TMEM117: variants seen among roughly 807,000 people sequenced by gnomAD.
TMEM117 encodes the protein transmembrane protein 117.
TMEM117 carries 27 observed loss-of-function variants against 52.4 expected under a neutral mutation model. The ratio of observed to expected loss-of-function variants is 0.51; its 90% confidence interval spans 0.38 to 0.71. The LOEUF (loss-of-function observed/expected upper bound fraction) is 0.71, where lower values mean the gene tolerates loss of function less well. TMEM117 is among the 30% of genes least tolerant of loss of function. TMEM117 has a pLI of 0.00. For synonymous variants in TMEM117, 215 were observed against 206.3 expected (o/e 1.04, Z -0.36); for missense variants, 556 against 630.5 (o/e 0.88, Z 1.26).
chr12:44,102,133 C>T (rs1341366711), intron 3 of TMEM117, among the ~76,000 whole-genome samples: 1 of 151,776 alleles, frequency 6.6e-6, no homozygotes, highest in Non-Finnish European at 1.5e-5. Context: ...AGAAGAAAAG[C>T]CTGAAGGGAG....
At chr12:44,073,236 C>T (rs1262164868) in intron 3 of TMEM117, among the ~76,000 whole-genome samples, 2 of 152,088 alleles carry the variant, frequency 1.3e-5, no homozygotes, top group African/African-American at 4.8e-5. Flanking sequence ...TGCCTAATGC[C>T]CAGATAACTC....
chr12:44,231,345 A>G (rs1949930614), intron 5 of TMEM117, among the ~76,000 whole-genome samples: 2 of 151,570 alleles, frequency 1.3e-5, no homozygotes, highest in South Asian at 2.1e-4. Flanking sequence ...ATTGTATTAC[A>G]TTGTATGAAC....
intron 2 of TMEM117, among the ~76,000 whole-genome samples, chr12:43,907,691 TGAAGAATGCA>T (rs900271219): frequency 5.2e-4 from 79 of 151,582 alleles, no homozygotes; most frequent in African/African-American, 1.9e-3. Flanking sequence ...GAGAACTACA[TGAAGAATGCA>T]GAAGCCTCTG....
chr12:43,933,682 C>T (rs1944907797), intron 2 of TMEM117, among the ~76,000 whole-genome samples: 1 of 152,018 alleles, frequency 6.6e-6, no homozygotes. Context: ...TCTGCCTCAG[C>T]CTCCCGAGTA....
intron 2 of TMEM117, among the ~76,000 whole-genome samples, chr12:43,865,845 A>G (rs959715327): frequency 3.3e-5 from 5 of 152,058 alleles, no homozygotes; most frequent in African/African-American, 1.2e-4. Context: ...CCAATTTGAA[A>G]TGATTAGCCA....
At chr12:43,887,944 T>C (rs1944027327) in intron 2 of TMEM117, among the ~76,000 whole-genome samples, 1 of 152,198 alleles carries the variant, frequency 6.6e-6, no homozygotes, top group Non-Finnish European at 1.5e-5. Flanking sequence ...CTTCTTTCTG[T>C]GCTATGCTGT....
chr12:43,895,023 A>G (rs999828373), intron 2 of TMEM117, among the ~76,000 whole-genome samples: 151 of 152,186 alleles, frequency 9.9e-4, no homozygotes, highest in African/African-American at 3.4e-3. Flanking sequence ...GTTCAGGGCT[A>G]TAAGTGGAGA....
intron 3 of TMEM117, among the ~76,000 whole-genome samples, chr12:44,131,371 T>A (rs1948410906): frequency 6.6e-6 from 1 of 152,150 alleles, no homozygotes; most frequent in African/African-American, 2.4e-5. Flanking sequence ...AATTTAGTCA[T>A]TTTAATTTTT....
intron 4 of TMEM117, among the ~76,000 whole-genome samples, chr12:44,167,319 C>A (rs1032934937): frequency 3.9e-5 from 6 of 152,136 alleles, no homozygotes; most frequent in African/African-American, 1.4e-4. Context: ...TTCCAGTGCC[C>A]ACTGCACTCC....
intron 2 of TMEM117, among the ~76,000 whole-genome samples, chr12:43,850,748 G>C (rs1387580926): frequency 6.6e-6 from 1 of 152,112 alleles, no homozygotes; most frequent in Non-Finnish European, 1.5e-5. Context: ...TGTTCTTATT[G>C]GCTTGGTATA....
intron 3 of TMEM117, among the ~76,000 whole-genome samples, chr12:43,986,629 A>G (rs1044515129): frequency 2.6e-5 from 4 of 152,152 alleles, no homozygotes; most frequent in Non-Finnish European, 5.9e-5. Context: ...AATATCTTTC[A>G]GACTATTGGA....
At chr12:43,984,481 T>G (rs906858400) in intron 3 of TMEM117, among the ~76,000 whole-genome samples, 1 of 152,152 alleles carries the variant, frequency 6.6e-6, no homozygotes, top group African/African-American at 2.4e-5. Context: ...TGAGATAGTG[T>G]TTTCATCAGA....
At chr12:44,243,689 A>G (rs535057498) in intron 5 of TMEM117, among the ~76,000 whole-genome samples, 2 of 151,954 alleles carry the variant, frequency 1.3e-5, no homozygotes, top group Non-Finnish European at 1.5e-5. Context: ...TATTAACTAT[A>G]GTCACTGTGC....
chr12:44,127,679 A>G (rs532302893), intron 3 of TMEM117, among the ~76,000 whole-genome samples: 4 of 152,246 alleles, frequency 2.6e-5, no homozygotes, highest in African/African-American at 9.6e-5. Flanking sequence ...TCTGTCTCAA[A>G]AAAAAAAAGA....
At chr12:43,996,428 G>A (rs1946031351) in intron 3 of TMEM117, among the ~76,000 whole-genome samples, 1 of 152,094 alleles carries the variant, frequency 6.6e-6, no homozygotes, top group Non-Finnish European at 1.5e-5. Context: ...CAGATCACAA[G>A]GTCAGGAGAT....
intron 2 of TMEM117, among the ~76,000 whole-genome samples, chr12:43,891,896 C>T (rs569502583): frequency 6.6e-6 from 1 of 152,204 alleles, no homozygotes; most frequent in South Asian, 2.1e-4. Flanking sequence ...CAAAACTGTC[C>T]CGTGGAAAAT....
intron 2 of TMEM117, among the ~76,000 whole-genome samples, chr12:43,879,758 G>A (rs1298777054): frequency 1.3e-5 from 2 of 152,184 alleles, no homozygotes; most frequent in Admixed American, 1.3e-4. Flanking sequence ...CTGTTAATTT[G>A]TTTCTGCTGC....
At chr12:44,025,138 G>C (rs1946513279) in intron 3 of TMEM117, among the ~76,000 whole-genome samples, 1 of 152,162 alleles carries the variant, frequency 6.6e-6, no homozygotes, top group Non-Finnish European at 1.5e-5. Context: ...ATGCTCAAAT[G>C]GTTGTTTTGA....
At chr12:44,275,404 A>G (rs543243451) in intron 5 of TMEM117, among the ~76,000 whole-genome samples, 14 of 152,252 alleles carry the variant, frequency 9.2e-5, no homozygotes, top group Admixed American at 3.3e-4. Context: ...TCAGAAAACT[A>G]AAAATAGAGC....
Sources: gnomAD v4.1 joint callset for allele counts (sites outside exome capture counted in the v4.1 genomes callset) on GRCh38, gnomAD v4.1.1 for gene constraint, MANE v1.5 for transcripts, NCBI Gene and HGNC (gene_info 2026-07-23, HGNC 2026-07-21) for gene names.